Variants in ABHD2 observed in about 807,000 individuals in gnomAD.
The protein encoded by ABHD2 is abhydrolase domain containing 2, acylglycerol lipase, also known as monoacylglycerol lipase ABHD2.
A neutral mutation model predicts 48.1 loss-of-function variants in ABHD2; 20 were observed. That is an observed-to-expected ratio of 0.42 (90% CI 0.29 to 0.60). ABHD2 has a LOEUF of 0.60. ABHD2 is among the 20% of genes least tolerant of loss of function. The pLI, the probability that ABHD2 is intolerant of heterozygous loss-of-function variation, is 0.24. For synonymous variants in ABHD2, 209 were observed against 214.2 expected, an observed-to-expected ratio of 0.98 and a Z score of 0.21; for missense variants, 405 against 550.9, an observed-to-expected ratio of 0.74 and a Z score of 2.65.
chr15:89,174,913 T>C lies in ABHD2; in HGVS notation c.539-899T>C, dbSNP rs754712262. On this transcript the variant is annotated intron_variant, in intron 5 of 10. Coordinates refer to ENST00000352732, the MANE Select transcript of ABHD2 (RefSeq NM_152924.5). This position sits in a 1 kb window ranked among gnomAD's most constrained non-coding sequence, Gnocchi z 4.1. ...GCTGAGATCATCTCTCCTGGGCAAA[T>C]GAGGCCCAAACAACCCTCTCTGTTA... Among the ~76,000 whole-genome samples the C allele has an allele frequency of 1.5e-4, 23 of 152,174 alleles. No individual in the cohort carries two copies. Among genetic ancestry groups the C allele is most frequent in the Non-Finnish European group, 3.1e-4 (21 of 68,024 alleles).
At position 89,097,179 on chromosome 15, in the gene ABHD2, A is replaced by C. The variant is rs1246853512; in HGVS notation, c.-107+8616A>C. On this transcript the variant is annotated intron_variant, in intron 1 of 10. Coordinates refer to ENST00000352732, the MANE Select transcript of ABHD2 (RefSeq NM_152924.5). This position sits in a 1 kb window ranked among gnomAD's most constrained non-coding sequence, Gnocchi z 4.2. ...ATCATATAATGAACCTCCAAGCCCC[A>C]CAAAACCCATCCCAGCTTTAACAAT... 6.6e-6 allele frequency among the ~76,000 whole-genome samples: 1 copy of C among 152,180 alleles called. No individual in the cohort carries two copies. The highest frequency in any genetic ancestry group is 2.4e-5 in the African/African-American group (1 of 41,432).
chr15:89,050,421 T>C, the ABHD2 span, among the ~76,000 whole-genome samples: 12 of 152,188 alleles, frequency 7.9e-5, no homozygotes, highest in Admixed American at 7.9e-4. Flanking sequence ...CATGGGGCTA[T>C]GGGTCAGGGA....
At chr15:89,049,567 C>G in the ABHD2 span, among the ~76,000 whole-genome samples, 5 of 152,244 alleles carry the variant, frequency 3.3e-5, no homozygotes, top group Non-Finnish European at 7.3e-5. Flanking sequence ...ACCCTCTGAG[C>G]CAGGTGTGGG....
upstream of ABHD2, among the ~76,000 whole-genome samples, chr15:89,084,339 G>C (rs946867949): frequency 6.6e-6 from 1 of 151,918 alleles, no homozygotes; most frequent in Non-Finnish European, 1.5e-5. This position sits in a 1 kb window ranked among gnomAD's most constrained non-coding sequence, Gnocchi z 4.4. Flanking sequence ...TCCCTCTGTT[G>C]CCCAGGCTGG....
At position 89,155,995 on chromosome 15, in the gene ABHD2, A is replaced by G. The variant is rs2050666689; in HGVS notation, c.538+461A>G. 6.6e-6 allele frequency among the ~76,000 whole-genome samples: 1 copy of G among 152,196 alleles called. No individual in the cohort carries two copies. The highest frequency in any genetic ancestry group is 6.5e-5 in the Admixed American group (1 of 15,278). ...ACTGGATTTTAGGTTCCTGGGGAAC[A>G]GGAACTAGATCTCGTCTTTCGACGA... On this transcript the variant is annotated intron_variant, in intron 5 of 10. Coordinates refer to ENST00000352732, the MANE Select transcript of ABHD2 (RefSeq NM_152924.5). This position sits in a 1 kb window ranked among gnomAD's most constrained non-coding sequence, Gnocchi z 4.9.
At position 89,135,145 on chromosome 15, in the gene ABHD2, T is replaced by TTTC. The variant is rs376776426; in HGVS notation, c.195-16530_195-16529insCTT. Reference sequence around the variant, plus strand: ...CAACAAAATGGCTACAACTTTTTCTTTTTTTTTTTTTTTTTTGCAATTACA... The same window carrying TTTC: ...CAACAAAATGGCTACAACTTTTTCTTTTCTTTTTTTTTTTTTTTTGCAATTACA... On this transcript the variant is annotated intron_variant, in intron 3 of 10. Coordinates refer to ENST00000352732, the MANE Select transcript of ABHD2 (RefSeq NM_152924.5). 2.3e-3 allele frequency among the ~76,000 whole-genome samples: 232 copies of TTTC among 98,954 alleles called. 13 individuals are homozygous for TTTC. The highest frequency in any genetic ancestry group is 0.011 in the Middle Eastern group (2 of 184). 64.9% of individuals were successfully genotyped at this position (98,954 alleles called of 152,430 possible). A position where few individuals can be genotyped will look rare whatever the true frequency, so the allele number is the denominator to read the frequency against.
chr15:89,130,787 ATTAGTG>A (rs1366516853), intron 3 of ABHD2, among the ~76,000 whole-genome samples: 1 of 152,172 alleles, frequency 6.6e-6, no homozygotes, highest in African/African-American at 2.4e-5. Flanking sequence ...ATCAGCTGTC[ATTAGTG>A]TTAGTGTATT....
the ABHD2 span, among the ~76,000 whole-genome samples, chr15:89,069,931 C>T: frequency 6.6e-6 from 1 of 152,070 alleles, no homozygotes; most frequent in African/African-American, 2.4e-5. Context: ...CCACCTGCCT[C>T]GACCTCCCAA....
chr15:89,065,307 T>C, the ABHD2 span, among the ~76,000 whole-genome samples: 1 of 152,206 alleles, frequency 6.6e-6, no homozygotes, highest in African/African-American at 2.4e-5. Context: ...TTTAGAATCA[T>C]TGTCCATAGC....
intron 5 of ABHD2, among the ~76,000 whole-genome samples, chr15:89,158,952 C>A (rs1273168164): frequency 6.6e-6 from 1 of 152,020 alleles, no homozygotes; most frequent in Non-Finnish European, 1.5e-5. Flanking sequence ...ATGTGAGCCA[C>A]CGTGCCAGCC....
the ABHD2 span, among the ~76,000 whole-genome samples, chr15:89,043,780 T>C: frequency 3.9e-3 from 583 of 151,240 alleles, 6 homozygotes; most frequent in African/African-American, 0.014. Context: ...GAGGAGGAGA[T>C]CTAGAGTTGA....
chr15:89,096,950 G>A (rs933741717), intron 1 of ABHD2, among the ~76,000 whole-genome samples: 3 of 152,202 alleles, frequency 2.0e-5, no homozygotes, highest in African/African-American at 7.2e-5. Flanking sequence ...TGCCAGAATT[G>A]CAGTAGCTGG....
intron 3 of ABHD2, among the ~76,000 whole-genome samples, chr15:89,145,207 G>A (rs2050471145): frequency 6.6e-6 from 1 of 152,248 alleles, no homozygotes. Context: ...AGTGAGCCGA[G>A]ATGGTGCCAT....
intron 1 of ABHD2, among the ~76,000 whole-genome samples, chr15:89,113,327 C>T (rs558881119): frequency 6.6e-6 from 1 of 152,332 alleles, no homozygotes; most frequent in East Asian, 1.9e-4. Flanking sequence ...TGGAAGAGAA[C>T]AAATAAGTCG....
Position 89,175,975 on chromosome 15 carries a change from C to A in ABHD2, c.702C>A (p.Cys234Ter). ...QEKVLCCVSV[C>*]QGYSALRAQE... is the part of the protein sequence containing the mutation. ...AGGTCCTGTGCTGCGTCAGCGTGTG[C>A]CAGGGGTACAGTGCACTGAGGTGAG... is the stretch of plus-strand genomic sequence containing the variant. The change falls in exon 6 of 11, where the codon TGC becomes TGA. Residue 234 changes from cysteine to a stop codon, truncating the protein, a stop_gained. Transcript: ENST00000352732. LOFTEE classifies it high-confidence loss of function. This position sits in a 1 kb window ranked among gnomAD's most constrained non-coding sequence, Gnocchi z 5.7. 1 of 1,611,442 alleles carries A rather than the reference C, an allele frequency of 6.2e-7. No individual in the cohort carries two copies. Among genetic ancestry groups the A allele is most frequent in the Non-Finnish European group, 8.5e-7 (1 of 1,178,636 alleles).
Position 89,164,777 on chromosome 15 carries a change from T to TA in ABHD2, c.538+9256dup, listed in dbSNP as rs895682135. Among the ~76,000 whole-genome samples the TA allele has an allele frequency of 0.052, 7,555 of 144,002 alleles. 608 individuals carry two copies. The highest frequency in any genetic ancestry group is 0.18 in the African/African-American group (7,026 of 39,394). 94.5% of individuals were successfully genotyped at this position (144,002 alleles called of 152,430 possible). A position where few individuals can be genotyped will look rare whatever the true frequency, so the allele number is the denominator to read the frequency against. On this transcript the variant is annotated intron_variant, in intron 5 of 10. Coordinates refer to ENST00000352732, the MANE Select transcript of ABHD2 (RefSeq NM_152924.5). The surrounding 1 kb of genome is among the most constrained non-coding windows in gnomAD (Gnocchi z 5.0). Reference sequence around the variant, plus strand: ...AGACGACAGAGACTGACCCTGTCTTTAAAAAAAAAAAAATGGCAATAATAT... The same window carrying TA: ...AGACGACAGAGACTGACCCTGTCTTTAAAAAAAAAAAAAATGGCAATAATAT...
At chr15:89,127,596 C>T (rs16942719) in intron 3 of ABHD2, among the ~76,000 whole-genome samples, 16,362 of 151,400 alleles carry the variant, frequency 0.11, 1,109 homozygotes, top group Non-Finnish European at 0.15. Flanking sequence ...GTGAGAAACT[C>T]CATAAATGCT....
At chr15:89,052,550 G>GACACACACACAC in the ABHD2 span, among the ~76,000 whole-genome samples, 11 of 107,436 alleles carry the variant, frequency 1.0e-4, no homozygotes, top group African/African-American at 3.0e-4. Flanking sequence ...CAGACAGACA[G>GACACACACACAC]ACAGACAGAC....
In ABHD2 at chr15:89,185,642, C is replaced by T. The variant is rs926445771; in HGVS notation, c.815+126C>T. 1.2e-6 allele frequency: 1 copy of T among 817,474 alleles called. No individual in the cohort carries two copies. Among genetic ancestry groups the T allele is most frequent in the African/African-American group, 1.7e-5 (1 of 57,332 alleles). The allele number at this position is 817,474 out of a possible 1,614,324, so 50.6% of individuals were successfully genotyped here. A position where few individuals can be genotyped will look rare whatever the true frequency, so the allele number is the denominator to read the frequency against. On this transcript the variant is annotated intron_variant, in intron 7 of 10. Coordinates refer to ENST00000352732, the MANE Select transcript of ABHD2 (RefSeq NM_152924.5). The surrounding 1 kb of genome is among the most constrained non-coding windows in gnomAD (Gnocchi z 5.9). ...AAAAAATGCAGGTGTGGTACAGACTCTCTGCTGCCTGCATTTGTGACTTGA... is the reference window on the plus strand; with the variant it reads ...AAAAAATGCAGGTGTGGTACAGACTTTCTGCTGCCTGCATTTGTGACTTGA...
Sources: gnomAD v4.1 joint callset for allele counts (sites outside exome capture counted in the v4.1 genomes callset) on GRCh38, gnomAD v4.1.1 for gene constraint, Gnocchi (gnomAD v3.1) non-coding constraint, MANE v1.5 for transcripts, NCBI Gene and HGNC (gene_info 2026-07-23, HGNC 2026-07-21) for gene names.